The following APAF1 variants were observed in gnomAD, a reference collection of about 807,000 sequenced individuals.
APAF1 encodes the protein apoptotic protease-activating factor 1.
A neutral mutation model predicts 152.4 loss-of-function variants in APAF1; 91 were observed. The ratio of observed to expected loss-of-function variants is 0.60; its 90% CI spans 0.50 to 0.71. The LOEUF is 0.71. Among genes scored for constraint, APAF1 ranks in the 30% least tolerant of loss-of-function variants. The probability of loss-of-function intolerance (pLI) is 0.00; values close to 1 mark genes in which losing one functional copy is unlikely to be tolerated. For missense variants in APAF1, 1,283 were observed against 1,472.0 expected (o/e 0.87, Z 2.10); for synonymous variants, 484 against 494.1 (o/e 0.98, Z 0.27).
At chr12:98,727,890 G>A (rs1429212858) in intron 26 of APAF1, among the ~76,000 whole-genome samples, 1 of 150,464 alleles carries the variant, frequency 6.6e-6, no homozygotes, top group Non-Finnish European at 1.5e-5. Flanking sequence ...GCAGTGAGCC[G>A]AGATCACACC....
chr12:98,709,640 G>A (rs1305573613), intron 20 of APAF1, among the ~76,000 whole-genome samples: 1 of 152,138 alleles, frequency 6.6e-6, no homozygotes, highest in Non-Finnish European at 1.5e-5. Context: ...ATGTTGGTCA[G>A]CCCAAGCAGA....
chr12:98,719,996 T>G (rs967505509), intron 22 of APAF1, among the ~76,000 whole-genome samples: 2 of 152,208 alleles, frequency 1.3e-5, no homozygotes, highest in African/African-American at 4.8e-5. Flanking sequence ...AGAAACTTAC[T>G]TGTTATAGGC....
rs763257040 is a variant in APAF1, at chr12:98,645,946, C to G, written c.-42+111C>G. 7 of 152,338 alleles carry G rather than the reference C, an allele frequency of 4.6e-5. No homozygotes were observed. The East Asian group carries it at 1.2e-3, about 25-fold the overall frequency. 9.4% of individuals were successfully genotyped at this position (152,338 alleles called of 1,614,324 possible). ...TGGAATATTTGATAACCATCCTGCTCCTGTACCAGGAAGAGAAATTCTGTA... is the reference window on the plus strand; with the variant it reads ...TGGAATATTTGATAACCATCCTGCTGCTGTACCAGGAAGAGAAATTCTGTA... On this transcript the variant is annotated intron_variant, in intron 1 of 26. Transcript: ENST00000551964.
intron 18 of APAF1, among the ~76,000 whole-genome samples, chr12:98,706,000 G>A (rs2097720983): frequency 6.6e-6 from 1 of 151,896 alleles, no homozygotes; most frequent in Admixed American, 6.6e-5. Flanking sequence ...TCTGTTTTTG[G>A]CTTAACTGTC....
chr12:98,676,116 G>A (rs760266444), intron 12 of APAF1, among the ~76,000 whole-genome samples: 1 of 152,154 alleles, frequency 6.6e-6, no homozygotes, highest in East Asian at 1.9e-4. Flanking sequence ...ATATTTACTT[G>A]TACTCAAAGT....
intron 7 of APAF1, among the ~76,000 whole-genome samples, chr12:98,665,278 A>ATATATATATATATATATATTTT (rs1491316422): frequency 3.0e-5 from 2 of 65,992 alleles, no homozygotes; most frequent in African/African-American, 1.1e-4. Context: ...ATATATATAT[A>ATATATATATATATATATATTTT]TTTTTTTTTT....
intron 16 of APAF1, among the ~76,000 whole-genome samples, chr12:98,691,035 C>G (rs962546265): frequency 6.6e-6 from 1 of 152,054 alleles, no homozygotes; most frequent in Non-Finnish European, 1.5e-5. Flanking sequence ...GGTGAAACCC[C>G]GTCTCTACTA....
chr12:98,694,766 G>C (rs1427463252), intron 16 of APAF1, among the ~76,000 whole-genome samples: 1 of 151,930 alleles, frequency 6.6e-6, no homozygotes, highest in African/African-American at 2.4e-5. Flanking sequence ...TTAGCTATCT[G>C]ATCCTTTGCT....
intron 22 of APAF1, among the ~76,000 whole-genome samples, chr12:98,721,946 C>A (rs1465522359): frequency 6.6e-6 from 1 of 152,174 alleles, no homozygotes; most frequent in Non-Finnish European, 1.5e-5. Context: ...GTTGTGGCTG[C>A]TTTTTCTTTA....
chr12:98,724,778 T>G (rs1011750367), intron 24 of APAF1, among the ~76,000 whole-genome samples: 2 of 152,216 alleles, frequency 1.3e-5, no homozygotes, highest in African/African-American at 4.8e-5. Flanking sequence ...GGATAGTGAC[T>G]GTAGCTAGTT....
chr12:98,675,640 T>C (rs2097685683), intron 12 of APAF1, among the ~76,000 whole-genome samples: 1 of 152,196 alleles, frequency 6.6e-6, no homozygotes, highest in Admixed American at 6.5e-5. Flanking sequence ...TTGAGTAATC[T>C]ATAGATGATT....
At chr12:98,726,894 A>G (rs1206756464) in intron 25 of APAF1, among the ~76,000 whole-genome samples, 2 of 152,138 alleles carry the variant, frequency 1.3e-5, no homozygotes, top group Non-Finnish European at 2.9e-5. Context: ...TGGATTTTCT[A>G]GGGAGAGATT....
Position 98,645,854 on chromosome 12 carries a change from T to G in APAF1, c.-42+19T>G, listed in dbSNP as rs1296961796. On this transcript the variant is annotated intron_variant, in intron 1 of 26. Coordinates refer to ENST00000551964, the MANE Select transcript of APAF1 (RefSeq NM_181861.2). Reference sequence around the variant, plus strand: ...GGCTTGGGTAAGTTGACCTCCTCGCTTTTCTCCCCGAGCCAGGTTCTTTGG... The same window carrying G: ...GGCTTGGGTAAGTTGACCTCCTCGCGTTTCTCCCCGAGCCAGGTTCTTTGG... 1 of 152,324 alleles carries G rather than the reference T, an allele frequency of 6.6e-6. No homozygotes were observed. The highest frequency in any genetic ancestry group is 1.5e-5 in the Non-Finnish European group (1 of 68,114). The allele number at this position is 152,324 out of a possible 1,614,324, so 9.4% of individuals were successfully genotyped here. A position where few individuals can be genotyped will look rare whatever the true frequency, so the allele number is the denominator to read the frequency against.
At chr12:98,727,432 T>C in intron 26 of APAF1, 116 bp downstream of exon 26, 1 of 1,198,498 alleles carries the variant, frequency 8.3e-7, no homozygotes, top group Non-Finnish European at 1.2e-6. Context: ...GTAAAAAGGC[T>C]GCTACTCCGG....
At chr12:98,707,708 A>G (rs1381337637) in intron 19 of APAF1, among the ~76,000 whole-genome samples, 1 of 150,094 alleles carries the variant, frequency 6.7e-6, no homozygotes, top group Non-Finnish European at 1.5e-5. Context: ...ATATATATAT[A>G]TATACATATA....
Position 98,662,810 on chromosome 12 carries a change from T to C in APAF1, c.955+4T>C. On this transcript the variant is annotated splice_donor_region_variant and intron_variant, in intron 7 of 26. Transcript: ENST00000551964. Reference sequence around the variant, plus strand: ...AGTATTATAAAAGAATGTAAAGGTATGGTTATTTATTTGTTTATGAGGAGA... The same window carrying C: ...AGTATTATAAAAGAATGTAAAGGTACGGTTATTTATTTGTTTATGAGGAGA... The C allele has an allele frequency of 1.2e-6, 2 of 1,607,084 alleles. No individual in the cohort carries two copies. The highest frequency in any genetic ancestry group is 1.7e-6 in the Non-Finnish European group (2 of 1,175,750).
rs544496420 is a variant in APAF1, at chr12:98,662,838, A to G, written c.955+32A>G. 3.1e-6 allele frequency: 5 copies of G among 1,587,480 alleles called. No homozygotes were observed. In the East Asian group the frequency reaches 1.1e-4, roughly 36 times the overall value. ...TTATTTATTTGTTTATGAGGAGATT[A>G]TAGGGAGTTATATAATTTCCCTTTT... On this transcript the variant is annotated intron_variant, in intron 7 of 26. Coordinates refer to ENST00000551964, the MANE Select transcript of APAF1 (RefSeq NM_181861.2).
At chr12:98,668,435 T>G (rs1381285952) in intron 10 of APAF1, among the ~76,000 whole-genome samples, 1 of 152,198 alleles carries the variant, frequency 6.6e-6, no homozygotes, top group African/African-American at 2.4e-5. Flanking sequence ...TGTATATTGC[T>G]CTTCATTAAG....
At chr12:98,654,646 A>T (rs1441114448) in intron 4 of APAF1, among the ~76,000 whole-genome samples, 1 of 152,064 alleles carries the variant, frequency 6.6e-6, no homozygotes, top group South Asian at 2.1e-4. Context: ...GACCCAAGTG[A>T]TCCCCTCGCC....
Sources: gnomAD v4.1 joint callset for allele counts (sites outside exome capture counted in the v4.1 genomes callset) on GRCh38, gnomAD v4.1.1 for gene constraint, MANE v1.5 for transcripts, NCBI Gene and HGNC (gene_info 2026-07-23, HGNC 2026-07-21) for gene names.